The following HSDL2 variants were observed in gnomAD, a reference collection of about 807,000 sequenced individuals.
HSDL2 encodes hydroxysteroid dehydrogenase like 2.
In HSDL2, 27 loss-of-function variants were observed where a neutral mutation model predicts 46.3. That is an observed-to-expected ratio of 0.58 (90% CI 0.43 to 0.80). The LOEUF is 0.80. HSDL2 is among the 30% of genes least tolerant of loss of function. The probability of loss-of-function intolerance (pLI) is 0.00; values close to 1 mark genes in which losing one functional copy is unlikely to be tolerated. For synonymous variants in HSDL2, 153 were observed against 163.6 expected (o/e 0.94, Z 0.50); for missense variants, 451 against 502.7 (o/e 0.90, Z 0.98).
At chr9:112,420,524 C>CA (rs933371926) in intron 6 of HSDL2, among the ~76,000 whole-genome samples, 4 of 150,468 alleles carry the variant, frequency 2.7e-5, no homozygotes, top group Admixed American at 6.6e-5. Context: ...AAAACACACA[C>CA]AAAAAAAACC....
rs1177928958 is a variant in HSDL2, at chr9:112,470,422, C to T, written c.1145-10C>T. The T allele has an allele frequency of 1.3e-6, 2 of 1,570,294 alleles. No homozygotes were observed. Among genetic ancestry groups the T allele is most frequent in the Non-Finnish European group, 1.7e-6 (2 of 1,143,400 alleles). The stretch of plus-strand genomic sequence containing the variant: ...TGGTTGCTTTTCCCTCTCTCATTTT[C>T]TCATTTTAGGGAAACTAAAACCAAC... On this transcript the variant is annotated splice_polypyrimidine_tract_variant and intron_variant, in intron 10 of 10. Coordinates refer to ENST00000398805, the MANE Select transcript of HSDL2 (RefSeq NM_032303.5).
chr9:112,470,078 TTAATGAACTA>T (rs1833527147), intron 10 of HSDL2, among the ~76,000 whole-genome samples: 5 of 152,182 alleles, frequency 3.3e-5, no homozygotes, highest in South Asian at 4.1e-4. Flanking sequence ...TGTCAAAAGT[TTAATGAACTA>T]TCGTAAGTTG....
chr9:112,437,161 T>G (rs1418233621), intron 6 of HSDL2, among the ~76,000 whole-genome samples: 1 of 152,122 alleles, frequency 6.6e-6, no homozygotes, highest in South Asian at 2.1e-4. Flanking sequence ...GGTTTCACCA[T>G]GTTGACCAGG....
At chr9:112,393,074 G>C (rs557907630) in intron 1 of HSDL2, among the ~76,000 whole-genome samples, 1 of 152,230 alleles carries the variant, frequency 6.6e-6, no homozygotes, top group African/African-American at 2.4e-5. Context: ...TTCGTTGACT[G>C]GTCTGGCACG....
intron 1 of HSDL2, among the ~76,000 whole-genome samples, chr9:112,381,235 ACT>A (rs1831087434): frequency 6.6e-6 from 1 of 152,064 alleles, no homozygotes; most frequent in African/African-American, 2.4e-5. Flanking sequence ...TGTTGCCCAG[ACT>A]GGCCTGTAGC....
chr9:112,394,315 G>A (rs1316861178), intron 1 of HSDL2, among the ~76,000 whole-genome samples: 2 of 152,094 alleles, frequency 1.3e-5, no homozygotes, highest in African/African-American at 2.4e-5. Context: ...TGGGGTGGGC[G>A]GGTAATGCCC....
chr9:112,461,081 A>AGATGGAGTTTTGCTCTTTAATGAT (rs1564134464), intron 10 of HSDL2, among the ~76,000 whole-genome samples: 1 of 150,644 alleles, frequency 6.6e-6, no homozygotes, highest in African/African-American at 2.4e-5. Context: ...CCTTTAATGA[A>AGATGGAGTTTTGCTCTTTAATGAT]TTTTTTTTTT....
intron 8 of HSDL2, among the ~76,000 whole-genome samples, chr9:112,444,199 A>G (rs1832700135): frequency 6.6e-6 from 1 of 152,114 alleles, no homozygotes; most frequent in Non-Finnish European, 1.5e-5. Context: ...GCTATAACTT[A>G]CCTCTTTCAG....
chr9:112,422,687 T>C (rs1377169402), intron 6 of HSDL2, among the ~76,000 whole-genome samples: 1 of 151,956 alleles, frequency 6.6e-6, no homozygotes, highest in Non-Finnish European at 1.5e-5. Flanking sequence ...GGAGAAACAA[T>C]AATTGAATGA....
At chr9:112,430,198 A>G (rs1379124862) in intron 6 of HSDL2, among the ~76,000 whole-genome samples, 1 of 152,180 alleles carries the variant, frequency 6.6e-6, no homozygotes, top group Non-Finnish European at 1.5e-5. Flanking sequence ...ACGTTTGAGC[A>G]TAGACTTTGA....
At chr9:112,391,180 A>G (rs992249242) in intron 1 of HSDL2, among the ~76,000 whole-genome samples, 2 of 151,112 alleles carry the variant, frequency 1.3e-5, no homozygotes, top group African/African-American at 4.9e-5. Flanking sequence ...CATCTCAAAA[A>G]TAATAATAAT....
rs944146270 is a variant in HSDL2 at position 112,471,258 on chromosome 9, T to C, written c.*714T>C. Reference sequence around the variant, plus strand: ...GAAACCTTAGAATAGGTCATTGGTATGGGCTGAACTGTGTATCCCCCAATT... The same window carrying C: ...GAAACCTTAGAATAGGTCATTGGTACGGGCTGAACTGTGTATCCCCCAATT... On this transcript the variant is annotated 3_prime_UTR_variant, in exon 11 of 11. Transcript: ENST00000398805. The C allele has an allele frequency of 6.6e-6, 1 of 152,240 alleles. No individual in the cohort carries two copies. Among genetic ancestry groups the C allele is most frequent in the Non-Finnish European group, 1.5e-5 (1 of 68,064 alleles). The allele number at this position is 152,240 out of a possible 1,614,324, so 9.4% of individuals were successfully genotyped here. A position where few individuals can be genotyped will look rare whatever the true frequency, so the allele number is the denominator to read the frequency against.
chr9:112,464,090 G>A (rs1382305911), intron 10 of HSDL2, among the ~76,000 whole-genome samples: 1 of 152,122 alleles, frequency 6.6e-6, no homozygotes, highest in Non-Finnish European at 1.5e-5. Flanking sequence ...TTGTCAGCCA[G>A]GCATGGTGGC....
intron 2 of HSDL2, among the ~76,000 whole-genome samples, chr9:112,404,641 T>G (rs1014229737): frequency 1.6e-4 from 24 of 152,190 alleles, no homozygotes; most frequent in African/African-American, 5.3e-4. Context: ...TGGCATGAAC[T>G]CTTTGAGAAA....
intron 6 of HSDL2, among the ~76,000 whole-genome samples, chr9:112,428,143 G>A (rs973416803): frequency 4.6e-5 from 7 of 152,104 alleles, no homozygotes. Flanking sequence ...GGAAACAAAG[G>A]ACTATGGGTG....
At chr9:112,386,993 A>G (rs753920127) in intron 1 of HSDL2, among the ~76,000 whole-genome samples, 6 of 152,336 alleles carry the variant, frequency 3.9e-5, no homozygotes, top group Middle Eastern at 3.4e-3. Flanking sequence ...AGCCAGATGT[A>G]ATGTGAGGTC....
chr9:112,464,934 C>CTAA (rs144938672), intron 10 of HSDL2, among the ~76,000 whole-genome samples: 2,577 of 152,254 alleles, frequency 0.017, 30 homozygotes, highest in Non-Finnish European at 0.028. Flanking sequence ...TAAGCAACAA[C>CTAA]TAATCAACTT....
At chr9:112,384,582 T>G (rs1831178651) in intron 1 of HSDL2, among the ~76,000 whole-genome samples, 1 of 151,552 alleles carries the variant, frequency 6.6e-6, no homozygotes, top group Admixed American at 6.6e-5. Flanking sequence ...GAAGCTGAGG[T>G]GAATCACTTG....
At chr9:112,429,335 C>A (rs1028066227) in intron 6 of HSDL2, among the ~76,000 whole-genome samples, 2 of 152,196 alleles carry the variant, frequency 1.3e-5, no homozygotes, top group African/African-American at 4.8e-5. Flanking sequence ...AACATGGGTA[C>A]TAAGATGAAT....
Sources: gnomAD v4.1 joint callset for allele counts (sites outside exome capture counted in the v4.1 genomes callset) on GRCh38, gnomAD v4.1.1 for gene constraint, MANE v1.5 for transcripts, NCBI Gene and HGNC (gene_info 2026-07-23, HGNC 2026-07-21) for gene names.